GTF2IRD2B: variants seen among roughly 807,000 people sequenced by gnomAD.
GTF2IRD2B encodes GTF2I repeat domain containing 2B.
In GTF2IRD2B, 10 loss-of-function variants were observed where a neutral mutation model predicts 55.6. The ratio of observed to expected loss-of-function variants is 0.18; its 90% CI spans 0.11 to 0.31. The LOEUF is 0.31. Among genes scored for constraint, GTF2IRD2B ranks in the 10% least tolerant of loss-of-function variants. The probability of loss-of-function intolerance (pLI) is 1.00; values close to 1 mark genes in which losing one functional copy is unlikely to be tolerated. For missense variants in GTF2IRD2B, 206 were observed against 802.7 expected (o/e 0.26, Z 8.98); for synonymous variants, 107 against 320.5 (o/e 0.33, Z 7.12).
intron 3 of GTF2IRD2B, among the ~76,000 whole-genome samples, chr7:75,115,417 A>G (rs2115743137): frequency 6.7e-6 from 1 of 150,326 alleles, no homozygotes; most frequent in East Asian, 1.9e-4. Flanking sequence ...GTTCCATATG[A>G]ATTTTTTTTT....
chr7:75,102,958 C>G (rs1486816567), intron 1 of GTF2IRD2B, among the ~76,000 whole-genome samples: 1 of 132,884 alleles, frequency 7.5e-6, no homozygotes, highest in Non-Finnish European at 1.6e-5. Flanking sequence ...GACTCCATGT[C>G]AAAAAAAAAA....
rs1157736808 is a variant in GTF2IRD2B, at chr7:75,112,540, G to A, written c.238+5G>A. 12 of 1,009,336 alleles carry A rather than the reference G, an allele frequency of 1.2e-5. No individual in the cohort carries two copies. The highest frequency in any genetic ancestry group is 1.7e-5 in the Non-Finnish European group (12 of 697,804). The allele number at this position is 1,009,336 out of a possible 1,614,324, so 62.5% of individuals were successfully genotyped here. ...AGAAAGATTTTGCAAAATACTGTAG[G>A]TGTTTTAATTTTATCCTTTGTATTC... On this transcript the variant is annotated splice_donor_5th_base_variant and intron_variant, in intron 3 of 15. Coordinates refer to ENST00000472837, the MANE Select transcript of GTF2IRD2B (RefSeq NM_001003795.3).
intron 9 of GTF2IRD2B, 67 bp from the exon 10 acceptor site, chr7:75,134,934 T>C (rs1214066157): frequency 1.4e-6 from 2 of 1,451,956 alleles, no homozygotes; most frequent in East Asian, 2.3e-5. Flanking sequence ...GTTTGCATTG[T>C]ATTCAGTGAT....
At chr7:75,123,082 A>T in intron 4 of GTF2IRD2B, 54 bp from the exon 5 acceptor site, 2 of 1,564,830 alleles carry the variant, frequency 1.3e-6, no homozygotes, top group South Asian at 2.4e-5. Flanking sequence ...AAAAAAAAAA[A>T]ACTGGTAGAA....
At chr7:75,102,072 G>A (rs1432001011) in intron 1 of GTF2IRD2B, among the ~76,000 whole-genome samples, 4 of 150,854 alleles carry the variant, frequency 2.7e-5, no homozygotes, top group South Asian at 2.1e-4. Flanking sequence ...GTGGGATCTC[G>A]GCTCACTGCA....
intron 1 of GTF2IRD2B, among the ~76,000 whole-genome samples, chr7:75,105,423 G>T (rs1404251519): frequency 4.5e-4 from 69 of 152,396 alleles, no homozygotes; most frequent in Middle Eastern, 3.4e-3. Context: ...AGAATCGCTC[G>T]AACCCAGGAG....
chr7:75,093,098 T>C (rs587691937), intron 1 of GTF2IRD2B, among the ~76,000 whole-genome samples: 536 of 40,732 alleles, frequency 0.013, no homozygotes, highest in Admixed American at 0.026. Flanking sequence ...GCGCTCGCGC[T>C]GCGTGCAGAC....
rs782060715 is a variant in GTF2IRD2B at position 75,123,200 on chromosome 7, G to A, written c.423G>A (p.Ser141=). ...ATGAGAAGATGCTGCGAGACCAGTC[G>A]GCTGTGGTAGTGCAGGGGCTTCCGG... ...VPYEKMLRDQ[S]AVVVQGLPEG... The change falls in exon 5 of 16, where the codon TCG becomes TCA. Residue 141 remains serine, a synonymous_variant. Coordinates refer to ENST00000472837, the MANE Select transcript of GTF2IRD2B (RefSeq NM_001003795.3). 1.4e-5 allele frequency: 21 copies of A among 1,531,568 alleles called. 1 individual carries two copies. Among genetic ancestry groups the A allele is most frequent in the African/African-American group, 6.2e-5 (4 of 64,308 alleles). The allele number at this position is 1,531,568 out of a possible 1,614,324, so 94.9% of individuals were successfully genotyped here. A position where few individuals can be genotyped will look rare whatever the true frequency, so the allele number is the denominator to read the frequency against.
intron 13 of GTF2IRD2B, among the ~76,000 whole-genome samples, chr7:75,141,811 CAATAAT>C (rs1484180960): frequency 8.9e-6 from 1 of 112,904 alleles, no homozygotes; most frequent in Non-Finnish European, 1.9e-5. Flanking sequence ...TGACTAATTA[CAATAAT>C]AATAATAATA....
chr7:75,123,739 G>T (rs1808459458), intron 6 of GTF2IRD2B: 1 of 653,882 alleles, frequency 1.5e-6, no homozygotes, highest in Non-Finnish European at 2.6e-6. Context: ...TTAGCCGGGC[G>T]TGGTGGCGGG....
At chr7:75,113,644 A>G (rs1808037313) in intron 3 of GTF2IRD2B, among the ~76,000 whole-genome samples, 1 of 150,042 alleles carries the variant, frequency 6.7e-6, no homozygotes, top group South Asian at 2.1e-4. Context: ...ACAAAACAAA[A>G]CTAGACAAAA....
At chr7:75,093,216 G>GT (rs1364659637) in intron 1 of GTF2IRD2B, among the ~76,000 whole-genome samples, 2 of 151,436 alleles carry the variant, frequency 1.3e-5, no homozygotes, top group Non-Finnish European at 3.0e-5. Flanking sequence ...CAGGTTGTGG[G>GT]TTTTGTCCGT....
intron 3 of GTF2IRD2B, among the ~76,000 whole-genome samples, chr7:75,114,505 A>G (rs2115739283): frequency 6.7e-6 from 1 of 150,188 alleles, no homozygotes; most frequent in Non-Finnish European, 1.5e-5. Context: ...ACATGGGTAT[A>G]TCGTGTGATG....
At chr7:75,132,474 CA>C (rs1808692023) in intron 8 of GTF2IRD2B, among the ~76,000 whole-genome samples, 1 of 146,020 alleles carries the variant, frequency 6.8e-6, no homozygotes, top group Admixed American at 6.7e-5. Context: ...GAAAATCTCC[CA>C]AAACTAGGAC....
At position 75,127,091 on chromosome 7, in the gene GTF2IRD2B, C is replaced by CAAAT. The variant is rs781877232; in HGVS notation, c.670+726_670+729dup. Among the ~76,000 whole-genome samples, 72 of 149,104 alleles carry CAAAT rather than the reference C, an allele frequency of 4.8e-4. 1 individual carries two copies. The highest frequency in any genetic ancestry group is 9.3e-4 in the African/African-American group (38 of 40,672). ...ATTTGACACCTTTCTTTTGTTTTAT[C>CAAAT]AAATAAATAAATAAATAAATAAAGA... On this transcript the variant is annotated intron_variant, in intron 8 of 15. Transcript: ENST00000472837.
chr7:75,102,048 G>T (rs1346060760), intron 1 of GTF2IRD2B, among the ~76,000 whole-genome samples: 1 of 151,468 alleles, frequency 6.6e-6, no homozygotes, highest in African/African-American at 2.4e-5. Context: ...TGTTGCCCAG[G>T]CTGGAGTGCA....
At chr7:75,133,397 CTT>C (rs1351564439) in intron 9 of GTF2IRD2B, among the ~76,000 whole-genome samples, 185 bp downstream of exon 9, 1 of 147,748 alleles carries the variant, frequency 6.8e-6, no homozygotes, top group Non-Finnish European at 1.5e-5. Context: ...TCCATGTACT[CTT>C]TTGTTTGTTT....
At chr7:75,117,980 G>A (rs1185021803) in intron 3 of GTF2IRD2B, among the ~76,000 whole-genome samples, 27 of 151,584 alleles carry the variant, frequency 1.8e-4, no homozygotes, top group Admixed American at 3.3e-4. Context: ...CTACTCGGGA[G>A]GCTGAGGCAG....
intron 3 of GTF2IRD2B, chr7:75,112,765 A>G (rs1808016332): frequency 1.7e-6 from 1 of 581,866 alleles, no homozygotes; most frequent in Admixed American, 3.3e-5. Context: ...TATTAGAATA[A>G]ATTTCAAGGA....
Sources: allele counts gnomAD v4.1 joint callset (sites outside exome capture counted in the v4.1 genomes callset), GRCh38; gene constraint gnomAD v4.1.1; transcripts MANE v1.5; gene names NCBI Gene and HGNC (gene_info 2026-07-23, HGNC 2026-07-21).